Variants in ZRANB3 observed in about 807,000 individuals in gnomAD.
The protein encoded by ZRANB3 is zinc finger RANBP2-type containing 3.
A neutral mutation model predicts 133.8 loss-of-function variants in ZRANB3; 125 were observed. The ratio of observed to expected loss-of-function variants is 0.93; its 90% confidence interval spans 0.81 to 1.08. ZRANB3 has a LOEUF of 1.08. Among genes scored for constraint, ZRANB3 ranks in the 50% least tolerant of loss-of-function variants. ZRANB3 has a pLI of 0.00. For missense variants in ZRANB3, 1,229 were observed against 1,275.5 expected (o/e 0.96, Z 0.56); for synonymous variants, 387 against 432.7 (o/e 0.89, Z 1.31).
At chr2:135,306,569 G>A (rs983064244) in intron 8 of ZRANB3, among the ~76,000 whole-genome samples, 1 of 147,460 alleles carries the variant, frequency 6.8e-6, no homozygotes, top group African/African-American at 2.5e-5. Context: ...TGGGATTACA[G>A]GCATGAGCCA....
At chr2:135,248,837 C>T (rs956135846) in intron 12 of ZRANB3, among the ~76,000 whole-genome samples, 2 of 152,010 alleles carry the variant, frequency 1.3e-5, no homozygotes, top group African/African-American at 2.4e-5. Flanking sequence ...ACCTGGGAGG[C>T]GAAGGCTGCA....
chr2:135,518,638 G>A (rs2104839478), intron 1 of ZRANB3, among the ~76,000 whole-genome samples: 1 of 152,264 alleles, frequency 6.6e-6, no homozygotes, highest in Non-Finnish European at 1.5e-5. Flanking sequence ...AATTGGAAAT[G>A]CAGAAATCAC....
At chr2:135,417,755 T>C (rs531824733) in intron 2 of ZRANB3, among the ~76,000 whole-genome samples, 53 of 152,290 alleles carry the variant, frequency 3.5e-4, no homozygotes, top group South Asian at 1.2e-3. Flanking sequence ...ATGTGGCACA[T>C]ATACACCATG....
chr2:135,244,608 AAAATAAATAAAT>A lies in ZRANB3; in HGVS notation c.1540-13693_1540-13682del, dbSNP rs144505977. 9.7e-4 allele frequency among the ~76,000 whole-genome samples: 147 copies of A among 150,982 alleles called. 1 individual carries two copies. The highest frequency in any genetic ancestry group is 1.8e-4 in the Non-Finnish European group (12 of 67,834). Reference sequence around the variant, plus strand: ...GGGTGACAGAGCATACTCCATCTCAAAAATAAATAAATAAATAAATAAATAAATAAACAAACA... The same window carrying A: ...GGGTGACAGAGCATACTCCATCTCAAAAATAAATAAATAAATAAACAAACA... On this transcript the variant is annotated intron_variant, in intron 12 of 20. Coordinates refer to ENST00000264159, the MANE Select transcript of ZRANB3 (RefSeq NM_032143.4).
intron 1 of ZRANB3, among the ~76,000 whole-genome samples, chr2:135,530,272 G>T (rs1224187685): frequency 6.6e-6 from 1 of 151,852 alleles, no homozygotes; most frequent in Non-Finnish European, 1.5e-5. Flanking sequence ...TGTCTTTACA[G>T]TTCAAACTGA....
At position 135,232,924 on chromosome 2, in the gene ZRANB3, C is replaced by T. The variant is rs568852811; in HGVS notation, c.1540-1997G>A. ...AAAGGAACGAGCTCCTCACCAGCAA[C>T]GGAACAAAGCTGGATGGAGAATGAC... On this transcript the variant is annotated intron_variant, in intron 12 of 20. Transcript: ENST00000264159. Among the ~76,000 whole-genome samples the T allele has an allele frequency of 3.7e-4, 56 of 152,236 alleles. 1 individual carries two copies. The highest frequency in any genetic ancestry group is 1.1e-3 in the African/African-American group (47 of 41,538).
At chr2:135,363,571 A>G (rs1419055977) in intron 3 of ZRANB3, among the ~76,000 whole-genome samples, 2 of 152,218 alleles carry the variant, frequency 1.3e-5, no homozygotes, top group Non-Finnish European at 2.9e-5. Context: ...ATTGTAGTAT[A>G]GGAGCCTCAG....
At chr2:135,413,194 T>C (rs1470325176) in intron 2 of ZRANB3, among the ~76,000 whole-genome samples, 2 of 152,178 alleles carry the variant, frequency 1.3e-5, no homozygotes, top group Non-Finnish European at 2.9e-5. Context: ...CTTCTGAACA[T>C]TGCTGAGTAA....
intron 12 of ZRANB3, among the ~76,000 whole-genome samples, chr2:135,254,123 C>T (rs1188888045): frequency 6.6e-6 from 1 of 151,108 alleles, no homozygotes. Context: ...ATTCTCAGAA[C>T]AATTAATATT....
chr2:135,426,343 G>C (rs1689064673), intron 2 of ZRANB3, among the ~76,000 whole-genome samples: 1 of 152,110 alleles, frequency 6.6e-6, no homozygotes, highest in South Asian at 2.1e-4. Context: ...TATGAGGCCA[G>C]CATCATCCTA....
At chr2:135,360,652 C>T (rs923934555) in intron 3 of ZRANB3, among the ~76,000 whole-genome samples, 6 of 152,148 alleles carry the variant, frequency 3.9e-5, no homozygotes, top group Non-Finnish European at 5.9e-5. Flanking sequence ...TTGCAGTGAG[C>T]GGAGATTGTG....
At chr2:135,404,717 C>T (rs945725894) in intron 2 of ZRANB3, among the ~76,000 whole-genome samples, 1 of 152,116 alleles carries the variant, frequency 6.6e-6, no homozygotes, top group African/African-American at 2.4e-5. Flanking sequence ...TGGGGGTTAC[C>T]CACAAAGGGA....
chr2:135,420,248 C>T (rs1342108713), intron 2 of ZRANB3, among the ~76,000 whole-genome samples: 1 of 150,936 alleles, frequency 6.6e-6, no homozygotes, highest in African/African-American at 2.4e-5. Flanking sequence ...ACTTTTGTAT[C>T]TCTTTAATGG....
intron 2 of ZRANB3, among the ~76,000 whole-genome samples, chr2:135,498,512 T>C (rs555492743): frequency 3.2e-4 from 48 of 152,270 alleles, no homozygotes; most frequent in African/African-American, 1.0e-3. Context: ...CCTGTGATGA[T>C]TGCGTTAACT....
At chr2:135,259,901 C>G (rs983704515) in intron 12 of ZRANB3, among the ~76,000 whole-genome samples, 21 of 151,716 alleles carry the variant, frequency 1.4e-4, no homozygotes, top group African/African-American at 4.8e-4. Flanking sequence ...ACTCAAATGG[C>G]TAGATAAATA....
rs760024481 is a variant in ZRANB3, at chr2:135,224,534, A to G, written c.2159-17T>C. The G allele has an allele frequency of 1.2e-5, 19 of 1,598,742 alleles. No individual in the cohort carries two copies. The African/African-American group carries it at 2.3e-4, about 19-fold the overall frequency. ...TCCACTGTTCTATTAAAGAAGACAA[A>G]AGAGAACCTGAAGGCTTATCTACCC... is the stretch of plus-strand genomic sequence containing the variant. On this transcript the variant is annotated splice_polypyrimidine_tract_variant and intron_variant, in intron 14 of 20. Coordinates refer to ENST00000264159, the MANE Select transcript of ZRANB3 (RefSeq NM_032143.4).
intron 8 of ZRANB3, among the ~76,000 whole-genome samples, chr2:135,290,626 C>T (rs1681653676): frequency 6.6e-6 from 1 of 152,196 alleles, no homozygotes; most frequent in African/African-American, 2.4e-5. Context: ...AGGTACTATT[C>T]TATTAATTGT....
At chr2:135,242,398 C>G (rs1695590727) in intron 12 of ZRANB3, among the ~76,000 whole-genome samples, 1 of 151,706 alleles carries the variant, frequency 6.6e-6, no homozygotes, top group Admixed American at 6.6e-5. Flanking sequence ...AGGGTAATGG[C>G]TTTAGTGTGT....
chr2:135,289,905 A>G (rs540897537), intron 8 of ZRANB3, among the ~76,000 whole-genome samples: 1 of 152,344 alleles, frequency 6.6e-6, no homozygotes, highest in East Asian at 1.9e-4. Context: ...CCTGTCTCAA[A>G]AACAAAAACA....
Sources: gnomAD v4.1 joint callset for allele counts (sites outside exome capture counted in the v4.1 genomes callset) on GRCh38, gnomAD v4.1.1 for gene constraint, MANE v1.5 for transcripts, NCBI Gene and HGNC (gene_info 2026-07-23, HGNC 2026-07-21) for gene names.